CPLX2: variants seen among roughly 807,000 people sequenced by gnomAD.
CPLX2 encodes the protein complexin 2.
CPLX2 carries 5 observed loss-of-function variants against 16.3 expected under a neutral mutation model. That is an observed-to-expected ratio of 0.31 (90% confidence interval 0.16 to 0.64). CPLX2 has a LOEUF of 0.64. CPLX2 is among the 30% of genes least tolerant of loss of function. The pLI is 0.79. For missense variants in CPLX2, 144 were observed against 181.4 expected (o/e 0.79, Z 1.18); for synonymous variants, 89 against 73.2 (o/e 1.22, Z -1.10).
intron 2 of CPLX2, among the ~76,000 whole-genome samples, chr5:175,821,126 G>A (rs529151755): frequency 2.6e-5 from 4 of 152,210 alleles, no homozygotes; most frequent in Admixed American, 2.6e-4. Flanking sequence ...CGCCCCATAG[G>A]ATTTCTTCCT....
intron 2 of CPLX2, among the ~76,000 whole-genome samples, chr5:175,864,571 T>C (rs1419493568): frequency 3.9e-5 from 6 of 152,104 alleles, no homozygotes; most frequent in Non-Finnish European, 8.8e-5. Flanking sequence ...ATCTGGAGAG[T>C]GTGAACTGGT....
At chr5:175,868,680 T>C (rs1241398050), upstream of CPLX2, among the ~76,000 whole-genome samples, 2 of 150,686 alleles carry the variant, frequency 1.3e-5, no homozygotes, top group African/African-American at 4.9e-5. Flanking sequence ...CCGATCTGGG[T>C]GTGAATTCGT....
upstream of CPLX2, among the ~76,000 whole-genome samples, chr5:175,867,535 C>G (rs73803080): frequency 0.071 from 10,768 of 152,166 alleles, 614 homozygotes; most frequent in East Asian, 0.15. Flanking sequence ...ACAACCTGCA[C>G]AGCTCTATGT....
intron 2 of CPLX2, among the ~76,000 whole-genome samples, chr5:175,827,017 G>C (rs1758627705): frequency 6.6e-6 from 1 of 152,132 alleles, no homozygotes. Flanking sequence ...CTGTGTCCAG[G>C]CCAGCTCTCG....
upstream of CPLX2, among the ~76,000 whole-genome samples, chr5:175,871,335 A>G (rs530414759): frequency 4.8e-4 from 61 of 127,090 alleles, no homozygotes; most frequent in Admixed American, 2.1e-3. Context: ...GAATGGAGGG[A>G]GAAGGAGACG....
chr5:175,813,296 G>A (rs1298628732), intron 2 of CPLX2, among the ~76,000 whole-genome samples: 4 of 152,198 alleles, frequency 2.6e-5, no homozygotes, highest in African/African-American at 4.8e-5. Context: ...TCAATTTAAA[G>A]AGAAATACTA....
chr5:175,864,662 T>C (rs1462418973), intron 2 of CPLX2, among the ~76,000 whole-genome samples: 1 of 152,228 alleles, frequency 6.6e-6, no homozygotes, highest in Non-Finnish European at 1.5e-5. Context: ...GAACTTCTTG[T>C]ACACCTTTGC....
At chr5:175,869,642 C>T (rs1561789524), upstream of CPLX2, among the ~76,000 whole-genome samples, 2 of 152,186 alleles carry the variant, frequency 1.3e-5, no homozygotes, top group Admixed American at 6.5e-5. Context: ...CAGGAATTGC[C>T]AGCCCTTAAA....
At chr5:175,822,827 G>A (rs946886783) in intron 2 of CPLX2, among the ~76,000 whole-genome samples, 1 of 152,200 alleles carries the variant, frequency 6.6e-6, no homozygotes, top group Non-Finnish European at 1.5e-5. Context: ...TGGGTCCCAC[G>A]CTATCACACG....
intron 2 of CPLX2, among the ~76,000 whole-genome samples, chr5:175,812,325 G>T (rs1380594586): frequency 2.6e-5 from 4 of 152,176 alleles, no homozygotes; most frequent in Non-Finnish European, 5.9e-5. Context: ...GTGAGCTTCA[G>T]GTGAGCAGGG....
upstream of CPLX2, among the ~76,000 whole-genome samples, chr5:175,869,981 A>C (rs1002374759): frequency 2.6e-5 from 4 of 152,202 alleles, no homozygotes; most frequent in Non-Finnish European, 4.4e-5. Context: ...ATGAAGAAAG[A>C]GGGGACGGGG....
At chr5:175,827,663 G>C (rs1758644063) in intron 2 of CPLX2, among the ~76,000 whole-genome samples, 1 of 152,180 alleles carries the variant, frequency 6.6e-6, no homozygotes, top group African/African-American at 2.4e-5. Context: ...CGGAGGCTGA[G>C]GCAGGAGAAT....
chr5:175,840,311 C>G (rs1758922500), intron 2 of CPLX2, among the ~76,000 whole-genome samples: 1 of 152,014 alleles, frequency 6.6e-6, no homozygotes, highest in South Asian at 2.1e-4. Context: ...CTTTAACAAG[C>G]TAGTTATAGG....
chr5:175,872,156 C>G lies in CPLX2; in HGVS notation c.-89+451C>G, dbSNP rs1218069640. 1.3e-5 allele frequency: 2 copies of G among 152,356 alleles called. No homozygotes were observed. The highest frequency in any genetic ancestry group is 6.5e-5 in the Admixed American group (1 of 15,304). The allele number at this position is 152,356 out of a possible 1,614,324, so 9.4% of individuals were successfully genotyped here. ...AAGCCCGCCGGAGCACGCTTCGCCC[C>G]GGAGGAGGGAGTCGCCCCCAGGGGT... On this transcript the variant is annotated intron_variant, in intron 1 of 3. Transcript: ENST00000393745. This position sits in a 1 kb window ranked among gnomAD's most constrained non-coding sequence, Gnocchi z 5.0.
chr5:175,799,893 G>T (rs1212434096), intron 1 of CPLX2, among the ~76,000 whole-genome samples: 4 of 151,824 alleles, frequency 2.6e-5, no homozygotes, highest in Non-Finnish European at 5.9e-5. Context: ...TGGCTGCTGT[G>T]TTAACCTCCC....
intron 2 of CPLX2, among the ~76,000 whole-genome samples, chr5:175,857,470 T>C (rs933744980): frequency 3.3e-5 from 5 of 152,188 alleles, no homozygotes; most frequent in Admixed American, 6.5e-5. Flanking sequence ...AAGGTGAAAA[T>C]GCATTTAATA....
intron 2 of CPLX2, among the ~76,000 whole-genome samples, chr5:175,857,472 C>T (rs1759281128): frequency 6.6e-6 from 1 of 152,202 alleles, no homozygotes; most frequent in East Asian, 1.9e-4. Context: ...GGTGAAAATG[C>T]ATTTAATACA....
At chr5:175,818,648 A>G (rs527980516) in intron 2 of CPLX2, among the ~76,000 whole-genome samples, 2 of 79,616 alleles carry the variant, frequency 2.5e-5, no homozygotes, top group Admixed American at 1.6e-4. Context: ...TGCTGTCCCA[A>G]CCTTTTTTTT....
At chr5:175,858,602 A>G (rs1051100723) in intron 2 of CPLX2, among the ~76,000 whole-genome samples, 1 of 152,194 alleles carries the variant, frequency 6.6e-6, no homozygotes, top group African/African-American at 2.4e-5. Context: ...CCAAGCCTAG[A>G]GAGGGTACAA....
Sources: gnomAD v4.1 joint callset for allele counts (sites outside exome capture counted in the v4.1 genomes callset) on GRCh38, gnomAD v4.1.1 for gene constraint, Gnocchi (gnomAD v3.1) non-coding constraint, MANE v1.5 for transcripts, NCBI Gene and HGNC (gene_info 2026-07-23, HGNC 2026-07-21) for gene names.